The following CRIM1 variants were observed in gnomAD, a reference collection of about 807,000 sequenced individuals.
CRIM1 encodes the protein cysteine rich transmembrane BMP regulator 1.
CRIM1 carries 32 observed loss-of-function variants against 116.4 expected under a neutral mutation model. The observed-to-expected ratio is 0.27, with a 90% CI of 0.21 to 0.37. The LOEUF is 0.37. CRIM1 is among the 10% of genes least tolerant of loss of function. The pLI, the probability that CRIM1 is intolerant of heterozygous loss-of-function variation, is 1.00. For missense variants in CRIM1, 1,331 were observed against 1,354.8 expected (o/e 0.98, Z 0.28); for synonymous variants, 590 against 509.2 (o/e 1.16, Z -2.13).
At chr2:36,539,631 G>A (rs543554330) in intron 14 of CRIM1, among the ~76,000 whole-genome samples, 1 of 152,230 alleles carries the variant, frequency 6.6e-6, no homozygotes, top group East Asian at 1.9e-4. Flanking sequence ...CCGGGCGAGA[G>A]ATGACAGTGA....
intron 4 of CRIM1, among the ~76,000 whole-genome samples, chr2:36,454,961 T>TC (rs1367830190): frequency 6.6e-6 from 1 of 152,134 alleles, no homozygotes; most frequent in Non-Finnish European, 1.5e-5. Context: ...AGATGGTGGT[T>TC]CAAGTGAAAC....
chr2:36,406,593 C>T (rs758555585), intron 2 of CRIM1, among the ~76,000 whole-genome samples: 2 of 149,270 alleles, frequency 1.3e-5, no homozygotes, highest in Non-Finnish European at 3.0e-5. Flanking sequence ...ATAAGTCTTA[C>T]TAGTTTAACT....
At chr2:36,419,811 A>G (rs921377875) in intron 2 of CRIM1, among the ~76,000 whole-genome samples, 2 of 152,254 alleles carry the variant, frequency 1.3e-5, no homozygotes, top group East Asian at 3.8e-4. Flanking sequence ...TCTGCGCAGC[A>G]CATCTGAAAT....
intron 2 of CRIM1, among the ~76,000 whole-genome samples, chr2:36,408,692 T>A (rs2148409052): frequency 6.6e-6 from 1 of 152,218 alleles, no homozygotes; most frequent in Non-Finnish European, 1.5e-5. Context: ...GTCAGGCAAT[T>A]AAAACCTCGT....
At chr2:36,453,309 C>CT (rs916555547) in intron 4 of CRIM1, among the ~76,000 whole-genome samples, 19 of 152,186 alleles carry the variant, frequency 1.2e-4, no homozygotes, top group African/African-American at 4.6e-4. Context: ...GTAAATTATT[C>CT]TTTCCTGACT....
At chr2:36,445,949 G>T (rs912140283) in intron 4 of CRIM1, among the ~76,000 whole-genome samples, 1 of 152,138 alleles carries the variant, frequency 6.6e-6, no homozygotes, top group African/African-American at 2.4e-5. Context: ...ATGATTATTT[G>T]ACTTTTACCA....
chr2:36,427,192 C>T (rs1674519282), intron 2 of CRIM1, among the ~76,000 whole-genome samples: 1 of 149,982 alleles, frequency 6.7e-6, no homozygotes. Context: ...CAGAGTGAAA[C>T]TCTGTCTCAA....
At chr2:36,484,309 A>G (rs1679651101) in intron 7 of CRIM1, among the ~76,000 whole-genome samples, 1 of 152,266 alleles carries the variant, frequency 6.6e-6, no homozygotes, top group South Asian at 2.1e-4. Flanking sequence ...TTACATTGTC[A>G]TTAGATATTG....
At chr2:36,382,676 C>G (rs1010922427) in intron 1 of CRIM1, among the ~76,000 whole-genome samples, 2 of 152,214 alleles carry the variant, frequency 1.3e-5, no homozygotes, top group Non-Finnish European at 2.9e-5. Context: ...TGTGATGCTC[C>G]AGGCAGTGCT....
chr2:36,506,210 C>T (rs1000267822), intron 8 of CRIM1, among the ~76,000 whole-genome samples: 1 of 137,872 alleles, frequency 7.3e-6, no homozygotes, highest in East Asian at 2.3e-4. Flanking sequence ...CACACACACA[C>T]ACACACTCAG....
chr2:36,402,583 G>T (rs1200169213), intron 2 of CRIM1, among the ~76,000 whole-genome samples: 4 of 151,866 alleles, frequency 2.6e-5, no homozygotes, highest in African/African-American at 4.8e-5. Context: ...TTTAAAAGAT[G>T]AATATGGTGG....
chr2:36,376,385 T>C lies in CRIM1; in HGVS notation c.331+19762T>C, dbSNP rs184932922. 2.0e-4 allele frequency among the ~76,000 whole-genome samples: 30 copies of C among 152,356 alleles called. No individual in the cohort carries two copies. In the East Asian group the frequency reaches 4.8e-3, roughly 24 times the overall value. On this transcript the variant is annotated intron_variant, in intron 1 of 16. Coordinates refer to ENST00000280527, the MANE Select transcript of CRIM1 (RefSeq NM_016441.3). ...TGTGTAAGCTGCAGGTTGAGGAGAA[T>C]GTTTAAACAGTAGGCGAGCGTTCAT...
At chr2:36,423,122 T>C (rs1157645693) in intron 2 of CRIM1, among the ~76,000 whole-genome samples, 1 of 152,212 alleles carries the variant, frequency 6.6e-6, no homozygotes, top group Non-Finnish European at 1.5e-5. Context: ...TTGGGTACTT[T>C]CAAATTCATT....
At chr2:36,413,541 G>C (rs543836527) in intron 2 of CRIM1, among the ~76,000 whole-genome samples, 2 of 152,128 alleles carry the variant, frequency 1.3e-5, no homozygotes, top group Non-Finnish European at 2.9e-5. Flanking sequence ...TAATTGAATG[G>C]CTTGTTGTTT....
At position 36,544,416 on chromosome 2, in the gene CRIM1, G is replaced by C; in HGVS notation, c.2664G>C (p.Lys888Asn). 7.0e-7 allele frequency: 1 copy of C among 1,428,088 alleles called. No individual in the cohort carries two copies. The highest frequency in any genetic ancestry group is 9.2e-7 in the Non-Finnish European group (1 of 1,086,702). The allele number at this position is 1,428,088 out of a possible 1,614,324, so 88.5% of individuals were successfully genotyped here. Residue 888 changes from lysine (K) to asparagine (N), a missense_variant, in exon 15 of 17, where the codon AAG becomes AAC. Physicochemically the swap from Lys to Asn is moderately conservative, Grantham distance 94. Transcript: ENST00000280527. ...AACCAACCAATATACCCATTGAGAAGACAAACCATCGAGGAGAGGTTGACC... is the reference window on the plus strand; with the variant it reads ...AACCAACCAATATACCCATTGAGAACACAAACCATCGAGGAGAGGTTGACC... ...VPEPTNIPIE[K>N]TNHRGEVDLE...
intron 14 of CRIM1, among the ~76,000 whole-genome samples, chr2:36,541,908 A>T (rs556668092): frequency 1.3e-5 from 2 of 152,316 alleles, no homozygotes; most frequent in African/African-American, 4.8e-5. Flanking sequence ...AGGCGTGGAA[A>T]CAAATAGCAT....
At chr2:36,411,904 ATAT>A (rs1305881638) in intron 2 of CRIM1, among the ~76,000 whole-genome samples, 1 of 152,174 alleles carries the variant, frequency 6.6e-6, no homozygotes, top group East Asian at 1.9e-4. Flanking sequence ...CCTGAAATAA[ATAT>A]TATTCAAACT....
intron 1 of CRIM1, among the ~76,000 whole-genome samples, chr2:36,394,633 A>G (rs1448955537): frequency 6.6e-6 from 1 of 151,742 alleles, no homozygotes; most frequent in Non-Finnish European, 1.5e-5. Flanking sequence ...ACATATATAT[A>G]TATCTTATAT....
At chr2:36,437,463 A>T (rs144701266) in intron 2 of CRIM1, among the ~76,000 whole-genome samples, 2 of 152,176 alleles carry the variant, frequency 1.3e-5, no homozygotes, top group African/African-American at 4.8e-5. Flanking sequence ...ACATTACTCA[A>T]GTTTATAAAT....
Sources: allele counts gnomAD v4.1 joint callset (sites outside exome capture counted in the v4.1 genomes callset), GRCh38; gene constraint gnomAD v4.1.1; transcripts MANE v1.5; gene names NCBI Gene and HGNC (gene_info 2026-07-23, HGNC 2026-07-21).